Variants in KLKB1 observed in about 807,000 individuals in gnomAD.
KLKB1 encodes the protein plasma kallikrein.
Under a neutral mutation model 73.6 loss-of-function variants are expected in KLKB1, and 58 were observed. The ratio of observed to expected loss-of-function variants is 0.79; its 90% CI spans 0.64 to 0.98. The LOEUF (loss-of-function observed/expected upper bound fraction) is 0.98. Among genes scored for constraint, KLKB1 ranks in the 50% least tolerant of loss-of-function variants. The pLI is 0.00. For missense variants in KLKB1, 737 were observed against 763.8 expected, an observed-to-expected ratio of 0.96 and a Z score of 0.41; for synonymous variants, 280 against 258.1, an observed-to-expected ratio of 1.08 and a Z score of -0.81.
At chr4:186,242,825 C>T (rs1245771238) in intron 6 of KLKB1, among the ~76,000 whole-genome samples, 2 of 151,866 alleles carry the variant, frequency 1.3e-5, no homozygotes. Flanking sequence ...TTAGTCTGTT[C>T]TACCTTTCCT....
intron 11 of KLKB1, among the ~76,000 whole-genome samples, 154 bp from the exon 12 acceptor site, chr4:186,254,434 G>T (rs1182705403): frequency 6.6e-6 from 1 of 152,186 alleles, no homozygotes; most frequent in Non-Finnish European, 1.5e-5. Context: ...GCCGCTATTG[G>T]TGATGAAAAA....
chr4:186,223,209 T>C (rs376479341), upstream of KLKB1, among the ~76,000 whole-genome samples: 1 of 152,218 alleles, frequency 6.6e-6, no homozygotes, highest in African/African-American at 2.4e-5. Context: ...TCAGGTGATA[T>C]CTTTTAGCAG....
intron 2 of KLKB1, among the ~76,000 whole-genome samples, chr4:186,215,019 T>C (rs1350592467): frequency 6.6e-6 from 1 of 152,232 alleles, no homozygotes; most frequent in East Asian, 1.9e-4. Flanking sequence ...TACTACTCAA[T>C]TTATGTTTCA....
rs142498123 is a variant in KLKB1 at position 186,233,273 on chromosome 4, T to A, written c.222-679T>A. ...ATTAATCACGAGCCACAGTTTCATC[T>A]TAATGATTTTTCCTTTTGATTAATA... On this transcript the variant is annotated intron_variant, in intron 3 of 14. Coordinates refer to ENST00000264690, the MANE Select transcript of KLKB1 (RefSeq NM_000892.5). 3.3e-5 allele frequency among the ~76,000 whole-genome samples: 5 copies of A among 152,350 alleles called. No homozygotes were observed. The East Asian group carries it at 9.6e-4, about 29-fold the overall frequency.
In KLKB1 at chr4:186,237,017, T is replaced by A. The variant is rs143096381; in HGVS notation, c.488+77T>A. On this transcript the variant is annotated intron_variant, in intron 5 of 14. Coordinates refer to ENST00000264690, the MANE Select transcript of KLKB1 (RefSeq NM_000892.5). ...ACTGTATTCTTCTTAACCTCTTTTGTTCCCAAACTAAAAACCAAACAGGGC... is the reference window on the plus strand; with the variant it reads ...ACTGTATTCTTCTTAACCTCTTTTGATCCCAAACTAAAAACCAAACAGGGC... 1.3e-4 allele frequency: 199 copies of A among 1,488,596 alleles called. No individual in the cohort carries two copies. The East Asian group carries it at 4.2e-3, about 31-fold the overall frequency. The allele number at this position is 1,488,596 out of a possible 1,614,324, so 92.2% of individuals were successfully genotyped here.
chr4:186,217,036 G>A (rs971763266), intron 2 of KLKB1, among the ~76,000 whole-genome samples: 3 of 152,150 alleles, frequency 2.0e-5, no homozygotes, highest in Non-Finnish European at 4.4e-5. Context: ...TGGGAGATTT[G>A]GGAGAATGTT....
intron 11 of KLKB1, among the ~76,000 whole-genome samples, chr4:186,253,565 A>G (rs1738822448): frequency 6.6e-6 from 1 of 152,200 alleles, no homozygotes; most frequent in African/African-American, 2.4e-5. Context: ...TTGTGAGTTT[A>G]TAAGAGATAA....
At chr4:186,215,364 C>CTTT (rs1736865547) in intron 2 of KLKB1, among the ~76,000 whole-genome samples, 1 of 141,194 alleles carries the variant, frequency 7.1e-6, no homozygotes, top group African/African-American at 2.6e-5. Context: ...TTCTTTCCTT[C>CTTT]CTTCCTTCCT....
rs140339128 is a variant in KLKB1 at position 186,238,494 on chromosome 4, C to T, written c.598+129C>T. 2.7e-5 allele frequency: 20 copies of T among 729,262 alleles called. No individual in the cohort carries two copies. In the East Asian group the frequency reaches 5.0e-4, roughly 18 times the overall value. The allele number at this position is 729,262 out of a possible 1,614,324, so 45.2% of individuals were successfully genotyped here. ...CTGGCAAAAGCGTTTCTGTCAATGG[C>T]ATGCAGTTACGGGCTTCGAGATGGG... On this transcript the variant is annotated intron_variant, in intron 6 of 14. Coordinates refer to ENST00000264690, the MANE Select transcript of KLKB1 (RefSeq NM_000892.5).
chr4:186,234,646 A>G (rs1737562774), intron 4 of KLKB1, among the ~76,000 whole-genome samples: 2 of 152,232 alleles, frequency 1.3e-5, no homozygotes, highest in Non-Finnish European at 1.5e-5. Flanking sequence ...ATATACCACT[A>G]GGCCCAAATT....
intron 2 of KLKB1, among the ~76,000 whole-genome samples, chr4:186,219,099 C>T (rs1383079981): frequency 3.3e-5 from 5 of 152,176 alleles, no homozygotes; most frequent in Admixed American, 3.3e-4. Flanking sequence ...TTCCACGTTC[C>T]TCTGCCTGCT....
chr4:186,234,100 A>G (rs775135210), intron 4 of KLKB1, 42 bp downstream of exon 4: 34 of 1,442,160 alleles, frequency 2.4e-5, no homozygotes, highest in Middle Eastern at 1.8e-4. Flanking sequence ...TTAATATTGG[A>G]TCTCGCTTAG....
Position 186,254,634 on chromosome 4 carries a change from C to T in KLKB1, c.1360C>T (p.Leu454=), listed in dbSNP as rs141092949. The part of the protein sequence containing the change: ...VWRIYSGILN[L]SDITKDTPFS... ...GCGCATCTATAGTGGCATTTTAAAT[C>T]TGTCAGACATTACAAAAGATACACC... Residue 454 remains leucine, a synonymous_variant, in exon 12 of 15, where the codon CTG becomes TTG. Transcript: ENST00000264690. The T allele has an allele frequency of 1.2e-5, 20 of 1,613,840 alleles. No homozygotes were observed. The African/African-American group carries it at 2.4e-4, about 19-fold the overall frequency.
At chr4:186,257,111 C>A in intron 13 of KLKB1, 115 bp from the exon 14 acceptor site, 2 of 593,234 alleles carry the variant, frequency 3.4e-6, no homozygotes, top group African/African-American at 1.9e-5. Flanking sequence ...CACTTTAAAA[C>A]TTATTTCCAT....
chr4:186,253,980 C>T (rs184291893), intron 11 of KLKB1, among the ~76,000 whole-genome samples: 484 of 152,116 alleles, frequency 3.2e-3, no homozygotes, highest in African/African-American at 0.011. Context: ...GGATTACAGG[C>T]GCGCGCCACA....
chr4:186,231,079 CA>C (rs1164450287), intron 2 of KLKB1, among the ~76,000 whole-genome samples: 6 of 152,110 alleles, frequency 3.9e-5, no homozygotes, highest in Non-Finnish European at 7.4e-5. Context: ...GCCAAATCCC[CA>C]GGGGGTAGGA....
At chr4:186,255,042 G>A (rs1738921041) in intron 12 of KLKB1, among the ~76,000 whole-genome samples, 1 of 152,234 alleles carries the variant, frequency 6.6e-6, no homozygotes, top group African/African-American at 2.4e-5. Flanking sequence ...TGCCGTCTGA[G>A]AGGCACTGGG....
intron 6 of KLKB1, among the ~76,000 whole-genome samples, chr4:186,248,098 A>T (rs761089752): frequency 4.2e-4 from 64 of 152,256 alleles, no homozygotes; most frequent in Non-Finnish European, 7.5e-4. Context: ...ATACAAAAAA[A>T]TTAGCTGGGC....
intron 6 of KLKB1, 21 bp downstream of exon 6, chr4:186,238,386 C>T (rs771858817): frequency 6.6e-7 from 1 of 1,517,686 alleles, no homozygotes; most frequent in South Asian, 1.1e-5. Flanking sequence ...GACTACTTCA[C>T]TTTGTGATTG....
Sources: allele counts gnomAD v4.1 joint callset (sites outside exome capture counted in the v4.1 genomes callset), GRCh38; gene constraint gnomAD v4.1.1; transcripts MANE v1.5; gene names NCBI Gene and HGNC (gene_info 2026-07-23, HGNC 2026-07-21).